SYT17: variants seen among roughly 807,000 people sequenced by gnomAD.
SYT17 encodes the protein synaptotagmin 17.
A neutral mutation model predicts 46.7 loss-of-function variants in SYT17; 22 were observed. That is an observed-to-expected ratio of 0.47 (90% confidence interval 0.34 to 0.67). The LOEUF is 0.67. SYT17 is among the 30% of genes least tolerant of loss of function. The pLI is 0.01. For missense variants in SYT17, 519 were observed against 612.8 expected (o/e 0.85, Z 1.62); for synonymous variants, 251 against 248.4 (o/e 1.01, Z -0.10).
chr16:19,230,986 A>G (rs1966659062), intron 7 of SYT17, among the ~76,000 whole-genome samples: 2 of 152,232 alleles, frequency 1.3e-5, no homozygotes, highest in East Asian at 3.8e-4. Flanking sequence ...GAAAGGCTAC[A>G]TATATATACA....
chr16:19,257,396 C>CAA (rs5816041), intron 7 of SYT17, among the ~76,000 whole-genome samples: 2,848 of 127,986 alleles, frequency 0.022, 65 homozygotes, highest in African/African-American at 0.057. Flanking sequence ...CCTTGTTTTG[C>CAA]AAAAAAAAAA....
chr16:19,220,133 A>C (rs1318141710), intron 5 of SYT17, among the ~76,000 whole-genome samples: 2 of 151,972 alleles, frequency 1.3e-5, no homozygotes, highest in Non-Finnish European at 2.9e-5. Flanking sequence ...TATTTTGAAA[A>C]TCTCCATACT....
intron 7 of SYT17, 122 bp from the exon 8 acceptor site, chr16:19,266,758 A>C: frequency 8.8e-6 from 7 of 793,692 alleles, no homozygotes; most frequent in South Asian, 2.5e-5. Context: ...CTAAACGATG[A>C]CCCCCATGTT....
In SYT17 at chr16:19,184,050, C is replaced by T. The variant is rs747961470; in HGVS notation, c.854C>T (p.Ser285Phe). 1.2e-6 allele frequency: 2 copies of T among 1,614,132 alleles called. No homozygotes were observed. The highest frequency in any genetic ancestry group is 1.7e-5 in the Admixed American group (1 of 60,024). The change falls in exon 5 of 8, where the codon TCC becomes TTC. Residue 285 changes from serine (S) to phenylalanine (F), a missense_variant. Transcript: ENST00000355377. ...LLTVVDFDKF[S>F]RHCVIGKVSV... is the part of the protein sequence containing the mutation. The stretch of plus-strand genomic sequence containing the variant: ...ACCGTGGTGGATTTTGATAAGTTCT[C>T]CCGCCACTGTGTCATTGGGAAAGTT...
intron 5 of SYT17, among the ~76,000 whole-genome samples, chr16:19,213,345 C>T (rs1027816856): frequency 2.0e-5 from 3 of 152,048 alleles, no homozygotes; most frequent in African/African-American, 4.8e-5. Flanking sequence ...TTGGAAAGTG[C>T]GGGAATGCGG....
intron 5 of SYT17, among the ~76,000 whole-genome samples, chr16:19,206,058 A>C (rs1965659646): frequency 6.6e-6 from 1 of 152,204 alleles, no homozygotes; most frequent in African/African-American, 2.4e-5. Flanking sequence ...AGAACTCATA[A>C]AGAAAGTATA....
At chr16:19,184,246 A>C (rs1473493292) in intron 5 of SYT17, 99 bp downstream of exon 5, 85 of 1,445,762 alleles carry the variant, frequency 5.9e-5, no homozygotes, top group Non-Finnish European at 7.2e-5. Context: ...TGGATTTTTA[A>C]AACTTTTTAT....
intron 3 of SYT17, among the ~76,000 whole-genome samples, chr16:19,177,330 C>T (rs77671079): frequency 0.011 from 1,651 of 152,250 alleles, 22 homozygotes; most frequent in South Asian, 0.019. Context: ...AACAGCTGTG[C>T]GTGACCTTTG....
At chr16:19,191,854 G>A (rs558112599) in intron 5 of SYT17, among the ~76,000 whole-genome samples, 28 of 152,014 alleles carry the variant, frequency 1.8e-4, no homozygotes, top group South Asian at 4.2e-4. Flanking sequence ...GCATGATCTC[G>A]GCTCACTGCA....
intron 5 of SYT17, among the ~76,000 whole-genome samples, chr16:19,192,856 A>G (rs1024166328): frequency 6.6e-6 from 1 of 152,182 alleles, no homozygotes; most frequent in Non-Finnish European, 1.5e-5. Flanking sequence ...AAGCATCCGA[A>G]TCAGGTGGGA....
At chr16:19,239,268 C>A (rs1006559249) in intron 7 of SYT17, among the ~76,000 whole-genome samples, 2 of 151,222 alleles carry the variant, frequency 1.3e-5, no homozygotes, top group East Asian at 1.9e-4. Context: ...CAGAGCAAGA[C>A]CCTGTCTCAA....
chr16:19,231,596 G>A (rs537636365), intron 7 of SYT17, among the ~76,000 whole-genome samples: 4 of 150,950 alleles, frequency 2.6e-5, no homozygotes, highest in East Asian at 1.9e-4. Flanking sequence ...ATCAAGAGGC[G>A]GCCCTTGGCT....
chr16:19,243,170 G>A (rs941508617), intron 7 of SYT17, among the ~76,000 whole-genome samples: 1 of 152,182 alleles, frequency 6.6e-6, no homozygotes, highest in African/African-American at 2.4e-5. Flanking sequence ...ACAGGTGGGT[G>A]AAGAGTCAGT....
chr16:19,191,699 G>A (rs567459097), intron 5 of SYT17, among the ~76,000 whole-genome samples: 1 of 152,282 alleles, frequency 6.6e-6, no homozygotes, highest in South Asian at 2.1e-4. Context: ...TATAATTACA[G>A]CAGTGTTAAT....
At chr16:19,254,202 G>C (rs892354439) in intron 7 of SYT17, among the ~76,000 whole-genome samples, 4 of 152,156 alleles carry the variant, frequency 2.6e-5, no homozygotes, top group African/African-American at 7.2e-5. Context: ...ACCACCCTCT[G>C]CAACTCCCTG....
chr16:19,194,633 T>G lies in SYT17; in HGVS notation c.951+10486T>G, dbSNP rs116360765. Among the ~76,000 whole-genome samples, 969 of 152,326 alleles carry G rather than the reference T, an allele frequency of 6.4e-3. 9 individuals carry two copies. Among genetic ancestry groups the G allele is most frequent in the African/African-American group, 0.022 (919 of 41,558 alleles). Reference sequence around the variant, plus strand: ...GTATTAGAGACAGGGTCTCACGCTGTCACTGAGGCTGGAGTGCAGGGGTGC... The same window carrying G: ...GTATTAGAGACAGGGTCTCACGCTGGCACTGAGGCTGGAGTGCAGGGGTGC... On this transcript the variant is annotated intron_variant, in intron 5 of 7. Coordinates refer to ENST00000355377, the MANE Select transcript of SYT17 (RefSeq NM_016524.4).
chr16:19,252,787 G>T (rs1022392814), intron 7 of SYT17, among the ~76,000 whole-genome samples: 1 of 151,700 alleles, frequency 6.6e-6, no homozygotes, highest in African/African-American at 2.4e-5. Flanking sequence ...TGGGATGGAT[G>T]TTTGGGTGCC....
At chr16:19,202,982 T>C (rs916415637) in intron 5 of SYT17, among the ~76,000 whole-genome samples, 1 of 152,090 alleles carries the variant, frequency 6.6e-6, no homozygotes, top group Non-Finnish European at 1.5e-5. Context: ...CCTCTGTAAG[T>C]GTTCAGGGGT....
intron 3 of SYT17, among the ~76,000 whole-genome samples, chr16:19,177,914 C>T (rs1213688476): frequency 6.6e-6 from 1 of 152,172 alleles, no homozygotes; most frequent in African/African-American, 2.4e-5. Flanking sequence ...AGAGATGCCC[C>T]ACTTGGCGAT....
Sources: gnomAD v4.1 joint callset for allele counts (sites outside exome capture counted in the v4.1 genomes callset) on GRCh38, gnomAD v4.1.1 for gene constraint, MANE v1.5 for transcripts, NCBI Gene and HGNC (gene_info 2026-07-23, HGNC 2026-07-21) for gene names.